The following SYN2 variants were observed in gnomAD, a reference collection of about 807,000 sequenced individuals.
The protein encoded by SYN2 is synapsin-2.
Under a neutral mutation model 50.9 loss-of-function variants are expected in SYN2, and 19 were observed. The observed-to-expected ratio is 0.37, with a 90% CI of 0.26 to 0.55. SYN2 has a LOEUF of 0.55. SYN2 is among the 20% of genes least tolerant of loss of function. The probability of loss-of-function intolerance (pLI) is 0.81; values close to 1 mark genes in which losing one functional copy is unlikely to be tolerated. For missense variants in SYN2, 587 were observed against 576.4 expected (o/e 1.02, Z -0.19); for synonymous variants, 255 against 224.9 (o/e 1.13, Z -1.20).
chr3:12,167,427 A>T, intron 8 of SYN2, 119 bp downstream of exon 8: 1 of 1,028,784 alleles, frequency 9.7e-7, no homozygotes, highest in Non-Finnish European at 1.4e-6. Flanking sequence ...GACAGATAAA[A>T]CACAAAAGGC....
rs142505697 is a variant in SYN2 at position 12,074,548 on chromosome 3, C to G, written c.378-66103C>G. 6.9e-3 allele frequency among the ~76,000 whole-genome samples: 1,044 copies of G among 152,230 alleles called. 11 individuals carry two copies. Among genetic ancestry groups the G allele is most frequent in the African/African-American group, 0.024 (990 of 41,534 alleles). ...TCCAAATTCAGTCAAATTCTTTATT[C>G]TTCTCCAAAACAACTCCGCAGTCTT... On this transcript the variant is annotated intron_variant, in intron 1 of 12. Coordinates refer to ENST00000621198, the MANE Select transcript of SYN2 (RefSeq NM_133625.6).
Position 12,187,501 on chromosome 3 carries a change from C to T in SYN2, c.1502C>T (p.Pro501Leu), listed in dbSNP as rs558289553. ...TCCTCCTCCTCGGCTCCTCAGCGGC[C>T]GGGCGGCCCCACCACCCACGGAGAT... ...SSSSSSAPQRPGGPTTHGDAP... is the reference protein window; with the variant it reads ...SSSSSSAPQRLGGPTTHGDAP... Residue 501 changes from proline to leucine, a missense_variant, in exon 12 of 13, where the codon CCG becomes CTG. By Grantham distance (98) the Pro-to-Leu change is moderately conservative. Coordinates refer to ENST00000621198, the MANE Select transcript of SYN2 (RefSeq NM_133625.6). The T allele has an allele frequency of 1.7e-5, 26 of 1,553,902 alleles. No homozygotes were observed. The highest frequency in any genetic ancestry group is 1.1e-4 in the South Asian group (9 of 84,252).
At chr3:12,068,770 C>G (rs886211608) in intron 1 of SYN2, among the ~76,000 whole-genome samples, 5 of 151,986 alleles carry the variant, frequency 3.3e-5, no homozygotes, top group Non-Finnish European at 7.4e-5. Flanking sequence ...ATTGTTTTCT[C>G]TCTTTAAAAA....
intron 1 of SYN2, among the ~76,000 whole-genome samples, chr3:12,047,613 A>G (rs73813108): frequency 0.09 from 13,741 of 152,058 alleles, 2,041 homozygotes; most frequent in African/African-American, 0.31. Flanking sequence ...TTTTTGTCAG[A>G]TGGAGACGAT....
At chr3:12,179,473 C>T (rs1013409359) in intron 10 of SYN2, among the ~76,000 whole-genome samples, 2 of 151,770 alleles carry the variant, frequency 1.3e-5, no homozygotes, top group Non-Finnish European at 2.9e-5. Flanking sequence ...ATGAGCCCCC[C>T]TAACCAAAGT....
chr3:12,158,553 G>A (rs985671844), intron 5 of SYN2: 1 of 1,190,216 alleles, frequency 8.4e-7, no homozygotes, highest in Non-Finnish European at 1.2e-6. Flanking sequence ...TATGGCGCCT[G>A]GTCCTTCTCC....
intron 1 of SYN2, among the ~76,000 whole-genome samples, chr3:12,081,153 T>A (rs1406414533): frequency 1.3e-5 from 2 of 152,316 alleles, no homozygotes; most frequent in South Asian, 4.1e-4. Flanking sequence ...GTGCTGGGCA[T>A]ATAAATGCAT....
intron 5 of SYN2, among the ~76,000 whole-genome samples, chr3:12,161,058 AAAC>A (rs1697634817): frequency 6.6e-6 from 1 of 152,228 alleles, no homozygotes; most frequent in Non-Finnish European, 1.5e-5. Context: ...AAGAGGGAGA[AAAC>A]AACCAGGATC....
chr3:12,084,234 AT>A (rs35877868), intron 1 of SYN2, among the ~76,000 whole-genome samples: 12 of 150,626 alleles, frequency 8.0e-5, no homozygotes, highest in East Asian at 3.9e-4. Flanking sequence ...AGACTACTCC[AT>A]TTTTTTTTCC....
intron 1 of SYN2, among the ~76,000 whole-genome samples, chr3:12,120,062 A>AG (rs942044299): frequency 6.6e-6 from 1 of 152,188 alleles, no homozygotes; most frequent in Non-Finnish European, 1.5e-5. Context: ...TAAAAAAAAA[A>AG]TGGAGCTCCT....
In SYN2 at chr3:12,179,957, A is replaced by T. The variant is rs546736818; in HGVS notation, c.1309-3355A>T. ...TGGTTGGGGTTTATTATTTATTTAT[A>T]TATTTTTTTGAGACGGGGTCTCACT... On this transcript the variant is annotated intron_variant, in intron 10 of 12. Transcript: ENST00000621198. Among the ~76,000 whole-genome samples the T allele has an allele frequency of 3.3e-5, 5 of 152,192 alleles. No homozygotes were observed. The South Asian group carries it at 1.0e-3, about 32-fold the overall frequency.
Position 12,168,368 on chromosome 3 carries a change from A to G in SYN2, c.1056-8A>G. The G allele has an allele frequency of 6.2e-7, 1 of 1,612,146 alleles. No homozygotes were observed. On this transcript the variant is annotated splice_region_variant and splice_polypyrimidine_tract_variant and intron_variant, in intron 8 of 12. Transcript: ENST00000621198. Reference sequence around the variant, plus strand: ...CCCAGCTTCAGGACACCTTCCCATCACCTCCAGGTACAAACTGTGGGTGGA... The same window carrying G: ...CCCAGCTTCAGGACACCTTCCCATCGCCTCCAGGTACAAACTGTGGGTGGA...
chr3:12,087,714 C>T (rs1695735090), intron 1 of SYN2, among the ~76,000 whole-genome samples: 1 of 152,078 alleles, frequency 6.6e-6, no homozygotes, highest in South Asian at 2.1e-4. Context: ...GTTCATGCTA[C>T]TGCACTTCAG....
intron 5 of SYN2, chr3:12,156,762 T>C (rs1697468825): frequency 7.0e-7 from 1 of 1,424,680 alleles, no homozygotes. Context: ...CCTTTCTCAC[T>C]ACCTCCCCTA....
intron 1 of SYN2, among the ~76,000 whole-genome samples, chr3:12,098,636 A>G (rs1483884345): frequency 6.6e-6 from 1 of 151,926 alleles, no homozygotes; most frequent in African/African-American, 2.4e-5. Flanking sequence ...AAAGAGATTA[A>G]TGGAGGAATA....
intron 1 of SYN2, among the ~76,000 whole-genome samples, chr3:12,024,545 C>T (rs935340528): frequency 6.6e-6 from 1 of 152,112 alleles, no homozygotes; most frequent in African/African-American, 2.4e-5. Flanking sequence ...ACAGTAGAAA[C>T]TCTTTTTGTG....
intron 1 of SYN2, among the ~76,000 whole-genome samples, chr3:12,100,499 G>C (rs866199468): frequency 6.6e-6 from 1 of 152,110 alleles, no homozygotes; most frequent in African/African-American, 2.4e-5. Flanking sequence ...TACAAACTAA[G>C]TGTAAGAACT....
intron 12 of SYN2, among the ~76,000 whole-genome samples, 156 bp downstream of exon 12, chr3:12,187,768 TTGTGTGTGTG>T (rs35996249): frequency 6.7e-6 from 1 of 149,900 alleles, no homozygotes; most frequent in Non-Finnish European, 1.5e-5. Flanking sequence ...TTTTTGGTTT[TTGTGTGTGTG>T]TGTGTGTGTG....
chr3:12,060,062 T>A (rs1229505680), intron 1 of SYN2, among the ~76,000 whole-genome samples: 19 of 152,156 alleles, frequency 1.2e-4, no homozygotes, highest in Admixed American at 1.2e-3. Flanking sequence ...ATCTAGGAAG[T>A]CTCAGTTGAG....
Sources: allele counts gnomAD v4.1 joint callset (sites outside exome capture counted in the v4.1 genomes callset), GRCh38; gene constraint gnomAD v4.1.1; transcripts MANE v1.5; gene names NCBI Gene and HGNC (gene_info 2026-07-23, HGNC 2026-07-21).